LSAMP: variants seen among roughly 807,000 people sequenced by gnomAD.
LSAMP encodes limbic system-associated membrane protein.
Under a neutral mutation model 38.6 loss-of-function variants are expected in LSAMP, and 7 were observed. The ratio of observed to expected loss-of-function variants is 0.18; its 90% CI spans 0.10 to 0.34. The LOEUF is 0.34. LSAMP is among the 10% of genes least tolerant of loss of function. The pLI is 1.00. For missense variants in LSAMP, 313 were observed against 420.0 expected, an observed-to-expected ratio of 0.75 and a Z score of 2.23; for synonymous variants, 154 against 166.8, an observed-to-expected ratio of 0.92 and a Z score of 0.59.
At chr3:116,094,408 C>T (rs1209298128) in intron 1 of LSAMP, among the ~76,000 whole-genome samples, 3 of 152,230 alleles carry the variant, frequency 2.0e-5, no homozygotes, top group African/African-American at 7.2e-5. Flanking sequence ...TCCTCATCTT[C>T]ATTCCCTTGA....
intron 1 of LSAMP, among the ~76,000 whole-genome samples, chr3:116,426,519 A>G (rs1184387128): frequency 6.6e-6 from 1 of 151,844 alleles, no homozygotes; most frequent in Non-Finnish European, 1.5e-5. Flanking sequence ...TTGGTAATAC[A>G]GTCATGCACT....
intron 2 of LSAMP, among the ~76,000 whole-genome samples, chr3:116,071,049 TAAATAATAAATAAATA>T (rs1159959136): frequency 2.2e-5 from 3 of 137,390 alleles, no homozygotes; most frequent in Admixed American, 7.6e-5. Flanking sequence ...TCAAAATAAA[TAAATAATAAATAAATA>T]AATAAATAAA....
rs373406128 is a variant in LSAMP, at chr3:115,802,613, G to T, written c.*7704C>A. 4.7e-5 allele frequency: 7 copies of T among 150,282 alleles called. No homozygotes were observed. The East Asian group carries it at 1.2e-3, about 25-fold the overall frequency. 9.3% of individuals were successfully genotyped at this position (150,282 alleles called of 1,614,324 possible). ...AAAAATCCACCTAATAAACAAAAAT[G>T]AAAAACCTTGAAAAACAAAAAATCC... On this transcript the variant is annotated 3_prime_UTR_variant, in exon 7 of 7. Transcript: ENST00000490035.
intron 1 of LSAMP, among the ~76,000 whole-genome samples, chr3:116,143,512 C>G (rs1295400587): frequency 6.6e-6 from 1 of 151,824 alleles, no homozygotes; most frequent in Non-Finnish European, 1.5e-5. Context: ...GGGATGAATA[C>G]GCTGTTCTCC....
chr3:116,096,208 A>G (rs1708223218), intron 1 of LSAMP, among the ~76,000 whole-genome samples: 1 of 152,194 alleles, frequency 6.6e-6, no homozygotes. Flanking sequence ...ACTTCCTCAG[A>G]TTGTTGTAAC....
At chr3:116,233,291 T>C (rs1463739350) in intron 1 of LSAMP, among the ~76,000 whole-genome samples, 3 of 151,494 alleles carry the variant, frequency 2.0e-5, no homozygotes, top group South Asian at 2.1e-4. Context: ...TTGGCGCCTG[T>C]AGTCCCAGCT....
intron 1 of LSAMP, among the ~76,000 whole-genome samples, chr3:116,308,570 A>G (rs949258634): frequency 2.0e-5 from 3 of 149,918 alleles, no homozygotes; most frequent in African/African-American, 7.4e-5. Context: ...TGGAGGAACA[A>G]TATTTCCAGT....
intron 2 of LSAMP, among the ~76,000 whole-genome samples, chr3:116,028,736 G>A (rs1429778903): frequency 6.6e-6 from 1 of 152,046 alleles, no homozygotes; most frequent in African/African-American, 2.4e-5. Flanking sequence ...TGGTAAAATA[G>A]CCTATGCATT....
intron 3 of LSAMP, among the ~76,000 whole-genome samples, chr3:116,005,241 C>A (rs573193964): frequency 1.6e-4 from 25 of 152,156 alleles, no homozygotes; most frequent in African/African-American, 6.0e-4. Context: ...CTCTTCAAAC[C>A]CAGAAAGGTA....
At chr3:116,308,585 A>G (rs2047515825) in intron 1 of LSAMP, among the ~76,000 whole-genome samples, 1 of 119,020 alleles carries the variant, frequency 8.4e-6, no homozygotes, top group Non-Finnish European at 1.8e-5. Flanking sequence ...TCCAGTCTAT[A>G]TTTCATGACT....
chr3:115,979,669 T>C (rs768865845), intron 3 of LSAMP, among the ~76,000 whole-genome samples: 1 of 152,114 alleles, frequency 6.6e-6, no homozygotes, highest in African/African-American at 2.4e-5. Context: ...GGAATCTCCA[T>C]TGCCTAAAAT....
rs554739605 is a variant in LSAMP, at chr3:116,339,281, G to C, written c.155+105596C>G. ...CATATTCCTGTACTCCCCTTATATA[G>C]ATTTTTTTTTTTTTTGAGAAAATTT... On this transcript the variant is annotated intron_variant, in intron 1 of 6. Transcript: ENST00000490035. Among the ~76,000 whole-genome samples the C allele has an allele frequency of 1.3e-4, 18 of 139,654 alleles. 1 individual carries two copies. The South Asian group carries it at 3.5e-3, about 27-fold the overall frequency. 91.6% of individuals were successfully genotyped at this position (139,654 alleles called of 152,430 possible). A position where few individuals can be genotyped will look rare whatever the true frequency, so the allele number is the denominator to read the frequency against.
At chr3:116,206,577 G>A (rs1448600137) in intron 1 of LSAMP, among the ~76,000 whole-genome samples, 1 of 136,400 alleles carries the variant, frequency 7.3e-6, no homozygotes, top group African/African-American at 2.6e-5. Flanking sequence ...TGCTTTGAAT[G>A]TGTCCCAGAG....
chr3:116,436,977 T>G (rs2049359459), intron 1 of LSAMP, among the ~76,000 whole-genome samples: 1 of 151,080 alleles, frequency 6.6e-6, no homozygotes, highest in African/African-American at 2.4e-5. Flanking sequence ...AAAGAAAGTG[T>G]GGCATATATA....
intron 1 of LSAMP, among the ~76,000 whole-genome samples, chr3:116,284,950 A>G (rs1233925116): frequency 1.3e-5 from 2 of 152,230 alleles, no homozygotes; most frequent in Non-Finnish European, 2.9e-5. Flanking sequence ...AATGGCAAGT[A>G]TATGTTCTAA....
In LSAMP at chr3:115,852,358, C is replaced by T; in HGVS notation, c.649+125G>A. 10 of 1,134,578 alleles carry T rather than the reference C, an allele frequency of 8.8e-6. 1 individual carries two copies. In the South Asian group the frequency reaches 1.9e-4, roughly 21 times the overall value. The allele number at this position is 1,134,578 out of a possible 1,614,324, so 70.3% of individuals were successfully genotyped here. Reference sequence around the variant, plus strand: ...TGGATGTGTTCAATGTATAAATGTGCATTCCTGGCCAGAGGAGCATCTGCT... The same window carrying T: ...TGGATGTGTTCAATGTATAAATGTGTATTCCTGGCCAGAGGAGCATCTGCT... On this transcript the variant is annotated intron_variant, in intron 4 of 6. Transcript: ENST00000490035.
chr3:116,012,992 C>G (rs1158402047), intron 3 of LSAMP, among the ~76,000 whole-genome samples: 1 of 152,170 alleles, frequency 6.6e-6, no homozygotes, highest in African/African-American at 2.4e-5. Context: ...CTCTGTATTT[C>G]TGTTTTACTA....
chr3:116,073,892 C>T (rs1707670601), intron 2 of LSAMP, among the ~76,000 whole-genome samples: 1 of 152,086 alleles, frequency 6.6e-6, no homozygotes, highest in Admixed American at 6.6e-5. Context: ...AAAAGGAAAT[C>T]ATTGCAACCC....
chr3:116,423,718 G>T (rs1282614167), intron 1 of LSAMP, among the ~76,000 whole-genome samples: 1 of 152,170 alleles, frequency 6.6e-6, no homozygotes, highest in Non-Finnish European at 1.5e-5. Flanking sequence ...AGCGAGTACT[G>T]AACATAGCAC....
Sources: allele counts gnomAD v4.1 joint callset (sites outside exome capture counted in the v4.1 genomes callset), GRCh38; gene constraint gnomAD v4.1.1; transcripts MANE v1.5; gene names NCBI Gene and HGNC (gene_info 2026-07-23, HGNC 2026-07-21).